The following ZNF253 variants were observed in gnomAD, a reference collection of about 807,000 sequenced individuals.
ZNF253 encodes the protein zinc finger protein 253.
A neutral mutation model predicts 11.9 loss-of-function variants in ZNF253; 8 were observed. The observed-to-expected ratio is 0.67, with a 90% confidence interval of 0.40 to 1.22. The LOEUF (loss-of-function observed/expected upper bound fraction) is 1.22. ZNF253 is among the 50% of genes most tolerant of loss of function. The probability of loss-of-function intolerance (pLI) is 0.01; values close to 1 mark genes in which losing one functional copy is unlikely to be tolerated. For synonymous variants in ZNF253, 194 were observed against 194.9 expected (o/e 1.00, Z 0.04); for missense variants, 485 against 586.9 (o/e 0.83, Z 1.79).
intron 3 of ZNF253, among the ~76,000 whole-genome samples, chr19:19,885,247 C>CT (rs775428592): frequency 9.3e-5 from 6 of 64,260 alleles, no homozygotes; most frequent in South Asian, 5.0e-4. Flanking sequence ...TTCTTTCTTT[C>CT]TTTCTTTCTT....
rs369720954 is a variant in ZNF253 at position 19,880,108 on chromosome 19, T to C, written c.188T>C (p.Leu63Ser). The change falls in exon 3 of 4, where the codon TTA becomes TCA. Residue 63 changes from leucine (L) to serine (S), a missense_variant. Transcript: ENST00000589717. ...VTCLEQGKKPLTMERHEMIAK... is the reference protein window; with the variant it reads ...VTCLEQGKKPSTMERHEMIAK... ...TGTCTGGAGCAAGGAAAAAAACCTT[T>C]AACTATGGAAAGACATGAGATGATT... The C allele has an allele frequency of 6.2e-7, 1 of 1,609,634 alleles. No homozygotes were observed. Among genetic ancestry groups the C allele is most frequent in the African/African-American group, 1.3e-5 (1 of 74,794 alleles).
intron 3 of ZNF253, among the ~76,000 whole-genome samples, chr19:19,888,014 T>C (rs1420218909): frequency 1.3e-5 from 2 of 152,110 alleles, no homozygotes; most frequent in Non-Finnish European, 2.9e-5. Context: ...GATAATTATA[T>C]ATATTTAAAT....
rs139080702 is a variant in ZNF253 at position 19,869,537 on chromosome 19, T to G, written c.3+3538T>G. Among the ~76,000 whole-genome samples the G allele has an allele frequency of 6.2e-3, 937 of 151,640 alleles. 16 individuals carry two copies. Among genetic ancestry groups the G allele is most frequent in the African/African-American group, 0.021 (850 of 41,276 alleles). The stretch of plus-strand genomic sequence containing the variant: ...CCACCAGGCCCAGCTCATTTTGTAT[T>G]TTTAATAGAGATGCGGTTTTTCCAT... On this transcript the variant is annotated intron_variant, in intron 1 of 3. Transcript: ENST00000589717.
chr19:19,890,832 ATTTTTTTT>A (rs770757608), intron 3 of ZNF253, among the ~76,000 whole-genome samples: 68 of 76,850 alleles, frequency 8.8e-4, no homozygotes, highest in African/African-American at 3.1e-3. Flanking sequence ...CAACAATTTA[ATTTTTTTT>A]TTTTTTTTTT....
At chr19:19,884,164 A>G (rs2063189322) in intron 3 of ZNF253, among the ~76,000 whole-genome samples, 1 of 152,104 alleles carries the variant, frequency 6.6e-6, no homozygotes, top group Admixed American at 6.5e-5. Context: ...CTTCATCTTA[A>G]AATGTGACAA....
chr19:19,886,000 T>C (rs2063205137), intron 3 of ZNF253, among the ~76,000 whole-genome samples: 1 of 152,180 alleles, frequency 6.6e-6, no homozygotes, highest in African/African-American at 2.4e-5. Context: ...AATTGTTTTG[T>C]TGTTGTTGTT....
intron 1 of ZNF253, among the ~76,000 whole-genome samples, chr19:19,870,461 T>C (rs2063129579): frequency 6.6e-6 from 1 of 152,074 alleles, no homozygotes; most frequent in Non-Finnish European, 1.5e-5. Context: ...GATATTTATA[T>C]CTAATGTCCA....
intron 1 of ZNF253, among the ~76,000 whole-genome samples, chr19:19,873,137 G>C (rs1012121357): frequency 5.3e-5 from 8 of 152,116 alleles, no homozygotes; most frequent in African/African-American, 1.9e-4. Context: ...TATGTCAGAG[G>C]CTCTAGGAAG....
intron 1 of ZNF253, among the ~76,000 whole-genome samples, chr19:19,872,580 T>TATATATATATA (rs1555777030): frequency 0.02 from 2,175 of 107,540 alleles, 54 homozygotes; most frequent in African/African-American, 0.063. Flanking sequence ...TATATATATA[T>TATATATATATA]TATTATATAT....
intron 1 of ZNF253, among the ~76,000 whole-genome samples, chr19:19,876,657 G>A (rs1312735048): frequency 3.9e-5 from 6 of 152,182 alleles, no homozygotes; most frequent in East Asian, 3.9e-4. Flanking sequence ...ATCAAGATAC[G>A]GGTGTAATTT....
At chr19:19,885,628 T>G (rs1327585737) in intron 3 of ZNF253, among the ~76,000 whole-genome samples, 1 of 151,802 alleles carries the variant, frequency 6.6e-6, no homozygotes, top group East Asian at 1.9e-4. Flanking sequence ...CCTGACCTCA[T>G]GATCCGTCCG....
At chr19:19,890,498 TTGTGTGTGTGTGTGTGTGTGTG>T (rs35114806) in intron 3 of ZNF253, among the ~76,000 whole-genome samples, 158 of 141,044 alleles carry the variant, frequency 1.1e-3, no homozygotes, top group Non-Finnish European at 2.1e-3. Flanking sequence ...CAATTTATAT[TTGTGTGTGTGTGTGTGTGTGTG>T]TGTGTGTGTG....
In ZNF253 at chr19:19,892,099, C is replaced by T. The variant is rs771327952; in HGVS notation, c.852C>T (p.Tyr284=). ...TAGTTCATACTGGAGAGAAACCCTA[C>T]AAATGTGAAGAATGTGGCAAAGCCT... The part of the protein sequence containing the change: ...HKIVHTGEKP[Y]KCEECGKAFK... Residue 284 remains tyrosine (Y), a synonymous_variant, in exon 4 of 4, where the codon TAC becomes TAT. Transcript: ENST00000589717. The T allele has an allele frequency of 1.2e-6, 2 of 1,613,958 alleles. No homozygotes were observed. The highest frequency in any genetic ancestry group is 2.7e-5 in the African/African-American group (2 of 74,928).
chr19:19,885,355 TTC>T (rs1302979721), intron 3 of ZNF253, among the ~76,000 whole-genome samples: 2 of 65,322 alleles, frequency 3.1e-5, no homozygotes, highest in African/African-American at 2.1e-4. Context: ...TCTTTCTTTC[TTC>T]CTTTCTTTTC....
intron 1 of ZNF253, among the ~76,000 whole-genome samples, chr19:19,866,700 G>A (rs1208741707): frequency 1.3e-5 from 2 of 152,058 alleles, no homozygotes; most frequent in Non-Finnish European, 2.9e-5. Flanking sequence ...GTTTCACCAT[G>A]TTGGTCAGGC....
intron 3 of ZNF253, among the ~76,000 whole-genome samples, chr19:19,888,792 C>A (rs1329967389): frequency 1.3e-5 from 2 of 152,110 alleles, no homozygotes; most frequent in Admixed American, 6.5e-5. Flanking sequence ...ATATCTTCTC[C>A]AGAAAGTTAT....
chr19:19,887,739 G>T (rs1015349633), intron 3 of ZNF253, among the ~76,000 whole-genome samples: 2 of 146,716 alleles, frequency 1.4e-5, no homozygotes, highest in South Asian at 4.3e-4. Context: ...GGTGACTCTT[G>T]TAGAAAGGCA....
In ZNF253 at chr19:19,894,304, T is replaced by C. The variant is rs1172376951; in HGVS notation, c.*1557T>C. 1.3e-5 allele frequency: 2 copies of C among 152,254 alleles called. No individual in the cohort carries two copies. Among genetic ancestry groups the C allele is most frequent in the Non-Finnish European group, 2.9e-5 (2 of 68,032 alleles). The allele number at this position is 152,254 out of a possible 1,614,324, so 9.4% of individuals were successfully genotyped here. Reference sequence around the variant, plus strand: ...ATACAGCTTTCACATTGCTTTATGCTATTTTATTCCTATTATATTCACATG... The same window carrying C: ...ATACAGCTTTCACATTGCTTTATGCCATTTTATTCCTATTATATTCACATG... On this transcript the variant is annotated 3_prime_UTR_variant, in exon 4 of 4. Coordinates refer to ENST00000589717, the MANE Select transcript of ZNF253 (RefSeq NM_021047.3).
At chr19:19,878,868 A>G (rs1047652205) in intron 2 of ZNF253, among the ~76,000 whole-genome samples, 1 of 152,182 alleles carries the variant, frequency 6.6e-6, no homozygotes, top group African/African-American at 2.4e-5. Context: ...ACAAAGGATA[A>G]ACGCTAGAGG....
Sources: allele counts gnomAD v4.1 joint callset (sites outside exome capture counted in the v4.1 genomes callset), GRCh38; gene constraint gnomAD v4.1.1; transcripts MANE v1.5; gene names NCBI Gene and HGNC (gene_info 2026-07-23, HGNC 2026-07-21).